The following UGT1A4 variants were observed in gnomAD, a reference collection of about 807,000 sequenced individuals.
UGT1A4 encodes the protein UDP glucuronosyltransferase family 1 member A4, also known as UDP-glucuronosyltransferase 1A4.
In UGT1A4, 32 loss-of-function variants were observed where a neutral mutation model predicts 41.1. The ratio of observed to expected loss-of-function variants is 0.78; its 90% CI spans 0.59 to 1.05. The LOEUF (loss-of-function observed/expected upper bound fraction) is 1.05, where lower values mean the gene tolerates loss of function less well. UGT1A4 is among the 50% of genes least tolerant of loss of function. The pLI is 0.00. For missense variants in UGT1A4, 748 were observed against 677.4 expected, an observed-to-expected ratio of 1.10 and a Z score of -1.16; for synonymous variants, 283 against 265.1, an observed-to-expected ratio of 1.07 and a Z score of -0.66.
intron 1 of UGT1A4, chr2:233,729,145 G>T (rs564123639): frequency 1.9e-6 from 3 of 1,613,372 alleles, no homozygotes; most frequent in Non-Finnish European, 2.5e-6. Flanking sequence ...AGGACTCCAG[G>T]TTCCCCTGCC....
At chr2:233,755,683 G>C (rs1398080072) in intron 1 of UGT1A4, 1 of 157,220 alleles carries the variant, frequency 6.4e-6, no homozygotes, top group Non-Finnish European at 1.4e-5. Context: ...AGTGAGTTTA[G>C]TCTGACCGGG....
chr2:233,721,860 C>T (rs2076977030), intron 1 of UGT1A4: 1 of 507,874 alleles, frequency 2.0e-6, no homozygotes, highest in Non-Finnish European at 3.9e-6. Flanking sequence ...ACTGCTCGGC[C>T]CTGGGCACAC....
At chr2:233,734,101 TATAATA>T (rs549143261) in intron 1 of UGT1A4, among the ~76,000 whole-genome samples, 1 of 151,280 alleles carries the variant, frequency 6.6e-6, no homozygotes, top group Admixed American at 6.6e-5. Context: ...AAACTTAAAG[TATAATA>T]ATAATAATAA....
chr2:233,765,202 C>T (rs139573386), intron 1 of UGT1A4, among the ~76,000 whole-genome samples: 1 of 152,246 alleles, frequency 6.6e-6, no homozygotes, highest in Non-Finnish European at 1.5e-5. Flanking sequence ...CATATTAGTG[C>T]CCTCAGTATT....
At chr2:233,732,276 G>C (rs1167500055) in intron 1 of UGT1A4, among the ~76,000 whole-genome samples, 35 of 152,142 alleles carry the variant, frequency 2.3e-4, no homozygotes, top group Non-Finnish European at 4.6e-4. Context: ...TTTTGCTGTG[G>C]AGAAGCTCTT....
chr2:233,721,861 C>G, intron 1 of UGT1A4: 1 of 507,540 alleles, frequency 2.0e-6, no homozygotes, highest in South Asian at 1.4e-5. Context: ...CTGCTCGGCC[C>G]TGGGCACACT....
chr2:233,755,170 T>C (rs1240762958), intron 1 of UGT1A4: 2 of 1,262,070 alleles, frequency 1.6e-6, no homozygotes, highest in Non-Finnish European at 2.2e-6. Context: ...TCGGGGTTTT[T>C]GTCGGGGTGC....
Position 233,757,136 on chromosome 2 carries a change from G to A in UGT1A4, c.868-9898G>A, listed in dbSNP as rs10929302. Among the ~76,000 whole-genome samples, 45,076 of 150,450 alleles carry A rather than the reference G, an allele frequency of 0.3. 6,849 individuals carry two copies. The highest frequency in any genetic ancestry group is 0.39 in the South Asian group (1,811 of 4,692). ...AGGGCTAGAGAGGAGGAATGAGCTT[G>A]GACAGGTGGGCTGGGGTCTATCCCA... On this transcript the variant is annotated intron_variant, in intron 1 of 4. Transcript: ENST00000373409.
intron 1 of UGT1A4, among the ~76,000 whole-genome samples, chr2:233,723,452 C>G (rs2125693136): frequency 1.4e-5 from 2 of 138,456 alleles, no homozygotes; most frequent in African/African-American, 5.6e-5. Context: ...TCAGGTGATC[C>G]ACCCGCCTCA....
intron 1 of UGT1A4, among the ~76,000 whole-genome samples, chr2:233,762,064 C>A (rs574389899): frequency 1.3e-5 from 2 of 152,174 alleles, no homozygotes; most frequent in South Asian, 4.2e-4. Flanking sequence ...CATAGCACAT[C>A]AAATATGGCA....
intron 1 of UGT1A4, among the ~76,000 whole-genome samples, chr2:233,759,599 A>ACCCCCCCCCCCCCCCCCC (rs1553620419): frequency 9.2e-6 from 1 of 108,664 alleles, no homozygotes; most frequent in African/African-American, 3.3e-5. Flanking sequence ...CCCACCCCCG[A>ACCCCCCCCCCCCCCCCCC]CCCGCCCCAC....
chr2:233,742,999 C>A, intron 1 of UGT1A4: 1 of 234,266 alleles, frequency 4.3e-6, no homozygotes, highest in Non-Finnish European at 8.5e-6. Context: ...AAATTGCATA[C>A]AGATATTTTA....
intron 1 of UGT1A4, among the ~76,000 whole-genome samples, chr2:233,725,543 ATAT>A (rs909924952): frequency 1.3e-5 from 2 of 152,112 alleles, no homozygotes; most frequent in African/African-American, 4.8e-5. Flanking sequence ...CATATCACAA[ATAT>A]TATCCTTTCA....
intron 1 of UGT1A4, chr2:233,747,360 G>A: frequency 6.2e-7 from 1 of 1,603,748 alleles, no homozygotes; most frequent in Non-Finnish European, 8.5e-7. Context: ...GGCCGTGCGG[G>A]AGCTCCATGC....
intron 1 of UGT1A4, among the ~76,000 whole-genome samples, chr2:233,761,761 G>A (rs990120638): frequency 6.6e-6 from 1 of 152,174 alleles, no homozygotes; most frequent in African/African-American, 2.4e-5. Flanking sequence ...TATGCAAAAA[G>A]TAGCATTCAC....
intron 1 of UGT1A4, chr2:233,743,979 A>C (rs1692622611): frequency 3.1e-6 from 4 of 1,306,002 alleles, no homozygotes; most frequent in African/African-American, 1.5e-5. Flanking sequence ...GCCAGCACCC[A>C]GGCGCAGGCC....
At position 233,720,744 on chromosome 2, in the gene UGT1A4, C is replaced by T. The variant is rs190457981; in HGVS notation, c.867+1057C>T. Reference sequence around the variant, plus strand: ...TTCTTGAGACTGAGCCTCGTTCTGTCGCCCAGGCTGGAGGGCAGTGGCCGG... The same window carrying T: ...TTCTTGAGACTGAGCCTCGTTCTGTTGCCCAGGCTGGAGGGCAGTGGCCGG... On this transcript the variant is annotated intron_variant, in intron 1 of 4. Coordinates refer to ENST00000373409, the MANE Select transcript of UGT1A4 (RefSeq NM_007120.3). 3.0e-3 allele frequency among the ~76,000 whole-genome samples: 450 copies of T among 148,806 alleles called. 4 individuals are homozygous for T. Among genetic ancestry groups the T allele is most frequent in the African/African-American group, 0.01 (408 of 40,338 alleles).
At chr2:233,748,049 C>CAA (rs1416676194) in intron 1 of UGT1A4, 1 of 1,613,268 alleles carries the variant, frequency 6.2e-7, no homozygotes, top group African/African-American at 1.3e-5. Flanking sequence ...TTGGGGGCAT[C>CAA]AACTGTGCCA....
chr2:233,744,126 G>T (rs1692701514), intron 1 of UGT1A4: 3 of 357,170 alleles, frequency 8.4e-6, no homozygotes, highest in Admixed American at 7.7e-5. Context: ...GTGAGGCTCT[G>T]TGAGGCCCTG....
Sources: allele counts gnomAD v4.1 joint callset (sites outside exome capture counted in the v4.1 genomes callset), GRCh38; gene constraint gnomAD v4.1.1; transcripts MANE v1.5; gene names NCBI Gene and HGNC (gene_info 2026-07-23, HGNC 2026-07-21).